The following AK5 variants were observed in gnomAD, a reference collection of about 807,000 sequenced individuals.
AK5 encodes adenylate kinase isoenzyme 5.
A neutral mutation model predicts 69.5 loss-of-function variants in AK5; 27 were observed. That is an observed-to-expected ratio of 0.39 (90% CI 0.29 to 0.54). The LOEUF (loss-of-function observed/expected upper bound fraction) is 0.54. AK5 is among the 20% of genes least tolerant of loss of function. The pLI, the probability that AK5 is intolerant of heterozygous loss-of-function variation, is 0.71. For synonymous variants in AK5, 260 were observed against 244.4 expected (o/e 1.06, Z -0.60); for missense variants, 531 against 700.4 (o/e 0.76, Z 2.73).
Position 77,353,381 on chromosome 1 carries a change from G to C in AK5, c.891+12813G>C, listed in dbSNP as rs573312357. On this transcript the variant is annotated intron_variant, in intron 6 of 13. Coordinates refer to ENST00000354567, the MANE Select transcript of AK5 (RefSeq NM_174858.3). ...TAATCCCAGCTACTCAGGAGGCTGAGGCAGGAGAATCGCTTGAACCCAGGA... is the reference window on the plus strand; with the variant it reads ...TAATCCCAGCTACTCAGGAGGCTGACGCAGGAGAATCGCTTGAACCCAGGA... 2.6e-5 allele frequency among the ~76,000 whole-genome samples: 4 copies of C among 152,272 alleles called. No homozygotes were observed. In the South Asian group the frequency reaches 8.3e-4, roughly 32 times the overall value.
chr1:77,427,240 A>G (rs1651272310), intron 8 of AK5, among the ~76,000 whole-genome samples: 1 of 152,086 alleles, frequency 6.6e-6, no homozygotes, highest in Non-Finnish European at 1.5e-5. Flanking sequence ...GATCCATAAA[A>G]TCAATGAGCC....
chr1:77,539,336 G>T (rs1659149887), intron 13 of AK5, among the ~76,000 whole-genome samples: 1 of 152,180 alleles, frequency 6.6e-6, no homozygotes, highest in South Asian at 2.1e-4. Context: ...GATGCTGGCT[G>T]CTGGGTGCGT....
intron 12 of AK5, among the ~76,000 whole-genome samples, chr1:77,535,428 A>G (rs1234378363): frequency 2.2e-4 from 34 of 152,200 alleles, no homozygotes; most frequent in Admixed American, 2.2e-3. Context: ...AGGCACAGCC[A>G]CAGAATGCCA....
chr1:77,479,460 C>T (rs1010145984), intron 8 of AK5, among the ~76,000 whole-genome samples: 1 of 152,268 alleles, frequency 6.6e-6, no homozygotes, highest in Middle Eastern at 3.4e-3. Flanking sequence ...TCTGCCTTGG[C>T]CTCCCAAAGT....
At chr1:77,491,304 A>ATTTTTTTTTTTTT (rs10700619) in intron 10 of AK5, among the ~76,000 whole-genome samples, 3 of 87,388 alleles carry the variant, frequency 3.4e-5, no homozygotes, top group African/African-American at 8.9e-5. Flanking sequence ...CATGAATTGA[A>ATTTTTTTTTTTTT]TTTTTTTTTT....
At chr1:77,413,017 TG>T in intron 7 of AK5, among the ~76,000 whole-genome samples, 1 of 149,262 alleles carries the variant, frequency 6.7e-6, no homozygotes, top group African/African-American at 2.5e-5. Flanking sequence ...CTTCACAGAA[TG>T]CAGCTCTAAT....
rs1414002040 is a variant in AK5, at chr1:77,483,333, A to G, written c.1076A>G (p.Asn359Ser). 6.2e-7 allele frequency: 1 copy of G among 1,612,526 alleles called. No homozygotes were observed. The highest frequency in any genetic ancestry group is 8.5e-7 in the Non-Finnish European group (1 of 1,178,562). The change falls in exon 9 of 14, where the codon AAT becomes AGT. Residue 359 changes from asparagine to serine, a missense_variant. Transcript: ENST00000354567. ...TTTTAACAGGGTGATGACCAGTTAA[A>G]TGTATTTGGAGAGGACACTATGGGA... ...DYEDQGDDQL[N>S]VFGEDTMGGF...
chr1:77,345,795 A>G (rs996650369), intron 6 of AK5, among the ~76,000 whole-genome samples: 6 of 152,142 alleles, frequency 3.9e-5, no homozygotes, highest in African/African-American at 1.2e-4. Context: ...TGCATTTCAA[A>G]TTTACCACTG....
chr1:77,350,507 GA>G (rs1557518376), intron 6 of AK5, among the ~76,000 whole-genome samples: 1 of 152,206 alleles, frequency 6.6e-6, no homozygotes, highest in Non-Finnish European at 1.5e-5. Flanking sequence ...GACACAGCTA[GA>G]AATATTAAGC....
intron 6 of AK5, among the ~76,000 whole-genome samples, chr1:77,393,964 C>T (rs1019492751): frequency 1.3e-5 from 2 of 152,102 alleles, no homozygotes; most frequent in African/African-American, 4.8e-5. Context: ...CTGTTCATCC[C>T]AGCACTTTGG....
chr1:77,347,860 C>T (rs1037000181), intron 6 of AK5, among the ~76,000 whole-genome samples: 6 of 152,118 alleles, frequency 3.9e-5, no homozygotes, highest in African/African-American at 1.4e-4. Flanking sequence ...ACAACTTTTC[C>T]ATCCCCAAAG....
chr1:77,312,071 C>T (rs1403360124), intron 5 of AK5, among the ~76,000 whole-genome samples: 4 of 152,048 alleles, frequency 2.6e-5, no homozygotes, highest in Non-Finnish European at 4.4e-5. Flanking sequence ...ATCCAGAGTT[C>T]CAAAATAAGT....
chr1:77,398,466 G>A (rs906328220), intron 6 of AK5, among the ~76,000 whole-genome samples: 4 of 152,166 alleles, frequency 2.6e-5, no homozygotes, highest in Non-Finnish European at 5.9e-5. Flanking sequence ...AAATCTCAAT[G>A]CCACTACTTT....
intron 7 of AK5, among the ~76,000 whole-genome samples, chr1:77,416,219 A>C (rs1257819805): frequency 6.6e-6 from 1 of 152,178 alleles, no homozygotes; most frequent in Non-Finnish European, 1.5e-5. Flanking sequence ...AATCCCACTA[A>C]TGTTAAAATA....
At chr1:77,304,895 T>A (rs1389153061) in intron 5 of AK5, among the ~76,000 whole-genome samples, 1 of 152,158 alleles carries the variant, frequency 6.6e-6, no homozygotes, top group Non-Finnish European at 1.5e-5. Flanking sequence ...TCATTTTTAG[T>A]TTTTTGAGGA....
At chr1:77,461,948 A>G (rs574279824) in intron 8 of AK5, among the ~76,000 whole-genome samples, 2 of 152,354 alleles carry the variant, frequency 1.3e-5, no homozygotes, top group Non-Finnish European at 2.9e-5. Flanking sequence ...CACAATGTAT[A>G]TATACTGCAA....
At chr1:77,349,716 A>G (rs749846460) in intron 6 of AK5, 7 of 152,256 alleles carry the variant, frequency 4.6e-5, no homozygotes, top group Non-Finnish European at 7.3e-5. Context: ...TTAAGCACAC[A>G]TTAGAAGTGA....
chr1:77,376,452 A>AAAAAAAAAAAAAAAAAAAAC (rs1557542594), intron 6 of AK5, among the ~76,000 whole-genome samples: 1 of 9,050 alleles, frequency 1.1e-4, no homozygotes, highest in Admixed American at 1.9e-3. Context: ...AAAAAAAAAC[A>AAAAAAAAAAAAAAAAAAAAC]AAAAAAAAAA....
In AK5 at chr1:77,385,810, AG is replaced by A. The variant is rs1647983892; in HGVS notation, c.892-25170del. Among the ~76,000 whole-genome samples, 4 of 152,230 alleles carry A rather than the reference AG, an allele frequency of 2.6e-5. No individual in the cohort carries two copies. In the South Asian group the frequency reaches 8.3e-4, roughly 32 times the overall value. On this transcript the variant is annotated intron_variant, in intron 6 of 13. Coordinates refer to ENST00000354567, the MANE Select transcript of AK5 (RefSeq NM_174858.3). The stretch of plus-strand genomic sequence containing the variant: ...GAGAGAATGAATCATGTAGTAGAAA[AG>A]AGTGGCATAATAGTATTTAGAGATC...
Sources: allele counts gnomAD v4.1 joint callset (sites outside exome capture counted in the v4.1 genomes callset), GRCh38; gene constraint gnomAD v4.1.1; transcripts MANE v1.5; gene names NCBI Gene and HGNC (gene_info 2026-07-23, HGNC 2026-07-21).